Variants in NEXN observed in about 807,000 individuals in gnomAD.
NEXN encodes the protein nexilin.
Under a neutral mutation model 92.6 loss-of-function variants are expected in NEXN, and 65 were observed. The observed-to-expected ratio is 0.70, with a 90% confidence interval of 0.57 to 0.86. The LOEUF (loss-of-function observed/expected upper bound fraction) is 0.86. Among genes scored for constraint, NEXN ranks in the 40% least tolerant of loss-of-function variants. The pLI is 0.00. For missense variants in NEXN, 778 were observed against 771.1 expected (o/e 1.01, Z -0.11); for synonymous variants, 254 against 242.5 (o/e 1.05, Z -0.44).
chr1:77,925,331 A>G (rs987675540), intron 6 of NEXN, 102 bp downstream of exon 6: 5 of 838,566 alleles, frequency 6.0e-6, no homozygotes, highest in Middle Eastern at 3.4e-4. Flanking sequence ...TATTATTTTT[A>G]TTATAAATGT....
chr1:77,898,106 A>G (rs1647383205), intron 1 of NEXN, among the ~76,000 whole-genome samples: 1 of 151,724 alleles, frequency 6.6e-6, no homozygotes, highest in Admixed American at 6.5e-5. Flanking sequence ...TATAGATTCA[A>G]TGCCATCCCC....
At position 77,933,424 on chromosome 1, in the gene NEXN, A is replaced by G. The variant is rs1650469563; in HGVS notation, c.1196A>G (p.His399Arg). The part of the protein sequence containing the change: ...EKRRTEEERK[H>R]KLEMEKQEFE... ...CGACGAACAGAGGAGGAACGGAAGC[A>G]TAAGCTAGAAATGGAGAAACAAGAA... is the stretch of plus-strand genomic sequence containing the variant. The change falls in exon 10 of 13, where the codon CAT becomes CGT. Residue 399 changes from histidine (H) to arginine (R), a missense_variant. Physicochemically the swap from His to Arg is conservative, Grantham distance 29 (BLOSUM62 0). Around this residue, in one of 3 missense-constraint regions of NEXN, gnomAD observed 532 missense variants for 476.7 expected, o/e 1.12. Coordinates refer to ENST00000334785, the MANE Select transcript of NEXN (RefSeq NM_144573.4). 6.2e-7 allele frequency: 1 copy of G among 1,613,600 alleles called. No homozygotes were observed. Among genetic ancestry groups the G allele is most frequent in the South Asian group, 1.1e-5 (1 of 90,970 alleles).
rs879296489 is a variant in NEXN at position 77,927,272 on chromosome 1, C to CA, written c.864+391dup. On this transcript the variant is annotated intron_variant, in intron 8 of 12. Transcript: ENST00000334785. Reference sequence around the variant, plus strand: ...CCTGGGTAACAGAATGAGACTGTCTCAAAAAAAAAAATCCATACTGTTTTC... The same window carrying CA: ...CCTGGGTAACAGAATGAGACTGTCTCAAAAAAAAAAAATCCATACTGTTTTC... Among the ~76,000 whole-genome samples, 626 of 144,970 alleles carry CA rather than the reference C, an allele frequency of 4.3e-3. 5 individuals are homozygous for CA. The highest frequency in any genetic ancestry group is 0.021 in the Middle Eastern group (6 of 282).
At position 77,929,564 on chromosome 1, in the gene NEXN, G is replaced by T. The variant is rs1426363003; in HGVS notation, c.1053+60G>T. The stretch of plus-strand genomic sequence containing the variant: ...ATTCACCTTTGAGAATATGTTAATA[G>T]AATCATTAGACTTTAGAGAATACCC... On this transcript the variant is annotated intron_variant, in intron 9 of 12. Transcript: ENST00000334785. 6.2e-6 allele frequency: 10 copies of T among 1,600,108 alleles called. No homozygotes were observed. The East Asian group carries it at 2.2e-4, about 36-fold the overall frequency.
At chr1:77,891,924 A>T (rs1647118335) in intron 1 of NEXN, among the ~76,000 whole-genome samples, 1 of 151,844 alleles carries the variant, frequency 6.6e-6, no homozygotes, top group Non-Finnish European at 1.5e-5. Flanking sequence ...CTCTACAAAA[A>T]ATTTAAAAAT....
chr1:77,929,901 CTTCCT>C (rs1445709010), intron 9 of NEXN, among the ~76,000 whole-genome samples: 1 of 151,822 alleles, frequency 6.6e-6, no homozygotes, highest in African/African-American at 2.4e-5. Flanking sequence ...CCTTTATTTC[CTTCCT>C]TTCCTTCTTT....
Position 77,933,489 on chromosome 1 carries a change from T to C in NEXN, c.1251+10T>C, listed in dbSNP as rs1397556067. On this transcript the variant is annotated intron_variant, in intron 10 of 12. Transcript: ENST00000334785. ...ACAGGAAATGGGAGAGGTAAGATTTTAAGAAATATCTATATTCCCCATATT... is the reference window on the plus strand; with the variant it reads ...ACAGGAAATGGGAGAGGTAAGATTTCAAGAAATATCTATATTCCCCATATT... The C allele has an allele frequency of 1.3e-6, 2 of 1,562,646 alleles. No individual in the cohort carries two copies. The highest frequency in any genetic ancestry group is 2.7e-5 in the African/African-American group (2 of 73,972).
intron 1 of NEXN, among the ~76,000 whole-genome samples, chr1:77,909,510 G>GCTATTTAT (rs1648396801): frequency 6.6e-6 from 1 of 152,052 alleles, no homozygotes; most frequent in African/African-American, 2.4e-5. Context: ...CAGGACTAGT[G>GCTATTTAT]CTATTTATTA....
At chr1:77,905,321 C>A (rs1459903547) in intron 1 of NEXN, among the ~76,000 whole-genome samples, 2 of 152,028 alleles carry the variant, frequency 1.3e-5, no homozygotes. Flanking sequence ...TAATGATAAT[C>A]ATAATGATAG....
intron 1 of NEXN, among the ~76,000 whole-genome samples, chr1:77,903,394 G>T (rs1331894786): frequency 6.6e-6 from 1 of 152,020 alleles, no homozygotes; most frequent in African/African-American, 2.4e-5. Context: ...CTGCCCTATA[G>T]CAACTGAAGT....
At chr1:77,941,820 A>G (rs376546139) in intron 11 of NEXN, 44 of 563,694 alleles carry the variant, frequency 7.8e-5, no homozygotes, top group Middle Eastern at 4.8e-4. Context: ...GAAAAAGTCT[A>G]TAACTAAGAG....
At chr1:77,898,952 A>C (rs1422559181) in intron 1 of NEXN, among the ~76,000 whole-genome samples, 2 of 152,248 alleles carry the variant, frequency 1.3e-5, no homozygotes. Context: ...TCAAAACCAC[A>C]ATGAGATACC....
At chr1:77,930,544 T>A (rs1465236580) in intron 9 of NEXN, among the ~76,000 whole-genome samples, 1 of 152,258 alleles carries the variant, frequency 6.6e-6, no homozygotes, top group African/African-American at 2.4e-5. Context: ...TTTTGCTTAA[T>A]ATTTCCCCAC....
At chr1:77,917,482 A>G in intron 2 of NEXN, 84 bp from the exon 3 acceptor site, 1 of 968,618 alleles carries the variant, frequency 1.0e-6, no homozygotes, top group South Asian at 1.5e-5. Context: ...AATATTTTTT[A>G]TATTGCTTAT....
intron 1 of NEXN, among the ~76,000 whole-genome samples, chr1:77,895,170 G>A (rs1248937215): frequency 2.1e-5 from 3 of 144,192 alleles, no homozygotes; most frequent in Non-Finnish European, 4.5e-5. Flanking sequence ...TCAGCCTCCC[G>A]AGTAGCTGGG....
At chr1:77,929,206 G>A (rs1650097336) in intron 8 of NEXN, 110 bp from the exon 9 acceptor site, 2 of 719,790 alleles carry the variant, frequency 2.8e-6, no homozygotes, top group South Asian at 1.6e-5. Flanking sequence ...GTATATTAAG[G>A]GCATTGAAAC....
At chr1:77,895,703 A>G (rs1265919031) in intron 1 of NEXN, among the ~76,000 whole-genome samples, 1 of 152,102 alleles carries the variant, frequency 6.6e-6, no homozygotes, top group Non-Finnish European at 1.5e-5. Flanking sequence ...ATCTCTGCTA[A>G]AAAATACAAA....
chr1:77,920,056 T>G (rs1649302207), intron 5 of NEXN, among the ~76,000 whole-genome samples: 1 of 151,606 alleles, frequency 6.6e-6, no homozygotes, highest in African/African-American at 2.4e-5. Flanking sequence ...ATGCCACCAC[T>G]CCCAGCTAAT....
Position 77,942,687 on chromosome 1 carries a change from A to G in NEXN, c.1886A>G (p.Gln629Arg). The change falls in exon 13 of 13, where the codon CAA (glutamine) becomes CGA (arginine). Residue 629 changes from glutamine to arginine, a missense_variant. Physicochemically the swap from Gln to Arg is conservative, Grantham distance 43. This residue lies in a region of NEXN where 532 missense variants were observed against 476.7 expected (regional missense o/e 1.12). Coordinates refer to ENST00000334785, the MANE Select transcript of NEXN (RefSeq NM_144573.4). Reference protein sequence around the residue: ...GEILQDGEDYQYIERGETYCL... With the variant: ...GEILQDGEDYRYIERGETYCL... Reference sequence around the variant, plus strand: ...ATACTGCAGGATGGAGAAGACTATCAATATATTGAAAGGGGAGAAACTTAC... The same window carrying G: ...ATACTGCAGGATGGAGAAGACTATCGATATATTGAAAGGGGAGAAACTTAC... 1 of 1,613,798 alleles carries G rather than the reference A, an allele frequency of 6.2e-7. No homozygotes were observed. The highest frequency in any genetic ancestry group is 8.5e-7 in the Non-Finnish European group (1 of 1,179,736).
Sources: allele counts gnomAD v4.1 joint callset (sites outside exome capture counted in the v4.1 genomes callset), GRCh38; gene constraint gnomAD v4.1.1; regional missense constraint gnomAD v4.1.1; transcripts MANE v1.5; gene names NCBI Gene and HGNC (gene_info 2026-07-23, HGNC 2026-07-21).